The following SCD5 variants were observed in gnomAD, a reference collection of about 807,000 sequenced individuals.
SCD5 encodes acyl-CoA-desaturase 4.
A neutral mutation model predicts 30.4 loss-of-function variants in SCD5; 20 were observed. The ratio of observed to expected loss-of-function variants is 0.66; its 90% CI spans 0.46 to 0.96. The LOEUF (loss-of-function observed/expected upper bound fraction) is 0.96, where lower values mean the gene tolerates loss of function less well. Ranked by LOEUF, SCD5 falls within the 40% of genes least tolerant of loss-of-function variation. SCD5 has a pLI of 0.00. For synonymous variants in SCD5, 173 were observed against 176.4 expected (o/e 0.98, Z 0.16); for missense variants, 381 against 443.3 (o/e 0.86, Z 1.26).
intron 1 of SCD5, among the ~76,000 whole-genome samples, chr4:82,712,534 T>A (rs1720133670): frequency 1.3e-5 from 2 of 151,316 alleles, no homozygotes; most frequent in African/African-American, 4.9e-5. Context: ...GCCAGGCTAG[T>A]CTCGAACTTC....
chr4:82,635,571 A>C (rs1007366161), intron 4 of SCD5, among the ~76,000 whole-genome samples: 1 of 150,072 alleles, frequency 6.7e-6, no homozygotes, highest in African/African-American at 2.5e-5. Context: ...CAGTGAGCCA[A>C]GATCACGCCA....
At chr4:82,747,155 T>C (rs13102231) in intron 1 of SCD5, among the ~76,000 whole-genome samples, 88,333 of 151,278 alleles carry the variant, frequency 0.58, 28,240 homozygotes, top group Non-Finnish European at 0.72. Flanking sequence ...GTCACACTCC[T>C]GGCGAGGGGG....
chr4:82,764,730 CTT>C (rs34219216), intron 1 of SCD5, among the ~76,000 whole-genome samples: 5 of 143,152 alleles, frequency 3.5e-5, no homozygotes, highest in Admixed American at 7.0e-5. Context: ...TCTTTTCTTT[CTT>C]TTTTTTTTTT....
intron 3 of SCD5, among the ~76,000 whole-genome samples, chr4:82,674,191 T>C (rs1349752644): frequency 1.3e-5 from 2 of 152,100 alleles, no homozygotes; most frequent in African/African-American, 2.4e-5. Context: ...AAAGATACTG[T>C]CAAGAGAATA....
At chr4:82,646,063 C>T (rs1014584976) in intron 3 of SCD5, among the ~76,000 whole-genome samples, 1 of 152,096 alleles carries the variant, frequency 6.6e-6, no homozygotes, top group Non-Finnish European at 1.5e-5. Context: ...CCAAGGGGGC[C>T]AGCCTGAGGA....
At chr4:82,743,583 C>T (rs999603469) in intron 1 of SCD5, among the ~76,000 whole-genome samples, 35 of 152,062 alleles carry the variant, frequency 2.3e-4, no homozygotes, top group East Asian at 1.9e-4. Context: ...TGCAGTCGTG[C>T]AATCACGGGC....
At chr4:82,777,404 G>A (rs971008565) in intron 1 of SCD5, among the ~76,000 whole-genome samples, 1 of 152,242 alleles carries the variant, frequency 6.6e-6, no homozygotes, top group African/African-American at 2.4e-5. Flanking sequence ...AAGAAAGTGA[G>A]TCCTCAGGGC....
intron 2 of SCD5, among the ~76,000 whole-genome samples, chr4:82,701,503 G>C (rs1341783230): frequency 6.6e-6 from 1 of 150,656 alleles, no homozygotes; most frequent in Non-Finnish European, 1.5e-5. Flanking sequence ...CTGTCAGAGA[G>C]GATTAAAAAA....
chr4:82,765,351 C>T (rs2148847034), intron 1 of SCD5, among the ~76,000 whole-genome samples: 1 of 152,166 alleles, frequency 6.6e-6, no homozygotes, highest in East Asian at 1.9e-4. Flanking sequence ...AACAAGAAGT[C>T]TGCTGTCATC....
intron 3 of SCD5, among the ~76,000 whole-genome samples, chr4:82,649,214 TGTGTGTGA>T (rs1412042485): frequency 5.4e-5 from 8 of 149,022 alleles, no homozygotes; most frequent in Non-Finnish European, 1.2e-4. Flanking sequence ...TGTGTGTGTG[TGTGTGTGA>T]GATTCTTCAC....
chr4:82,790,347 G>A (rs1578069775), intron 1 of SCD5, among the ~76,000 whole-genome samples: 1 of 152,304 alleles, frequency 6.6e-6, no homozygotes, highest in Middle Eastern at 3.4e-3. Flanking sequence ...TTTCACCACT[G>A]AGCAGAGACC....
At chr4:82,720,978 C>A (rs112911649) in intron 1 of SCD5, among the ~76,000 whole-genome samples, 1 of 151,966 alleles carries the variant, frequency 6.6e-6, no homozygotes, top group Non-Finnish European at 1.5e-5. Flanking sequence ...ACGGCAAGAC[C>A]CCCATCTCTA....
chr4:82,767,118 C>A (rs557681198), intron 1 of SCD5, among the ~76,000 whole-genome samples: 1 of 151,972 alleles, frequency 6.6e-6, no homozygotes, highest in South Asian at 2.1e-4. Context: ...TCCCTCTGTT[C>A]CTTTTGAATG....
chr4:82,788,198 A>G (rs1224690645), intron 1 of SCD5, among the ~76,000 whole-genome samples: 1 of 152,208 alleles, frequency 6.6e-6, no homozygotes, highest in African/African-American at 2.4e-5. Flanking sequence ...TGGACTTCCC[A>G]GCCTCCAGAA....
intron 1 of SCD5, among the ~76,000 whole-genome samples, chr4:82,786,553 A>G (rs1721991705): frequency 6.6e-6 from 1 of 152,156 alleles, no homozygotes; most frequent in Admixed American, 6.5e-5. Context: ...TAATGCCAGC[A>G]CTTTGGGAAG....
At chr4:82,726,903 C>T (rs1394770087) in intron 1 of SCD5, among the ~76,000 whole-genome samples, 1 of 152,168 alleles carries the variant, frequency 6.6e-6, no homozygotes, top group East Asian at 1.9e-4. Flanking sequence ...GAAAAGGAGA[C>T]ACATCTCCTT....
intron 1 of SCD5, among the ~76,000 whole-genome samples, chr4:82,721,832 T>C (rs1433862558): frequency 6.6e-6 from 1 of 152,238 alleles, no homozygotes; most frequent in African/African-American, 2.4e-5. Context: ...ATACAAATGC[T>C]AAAATCATTA....
chr4:82,662,379 A>G (rs1728032306), intron 3 of SCD5, among the ~76,000 whole-genome samples: 1 of 152,114 alleles, frequency 6.6e-6, no homozygotes, highest in Non-Finnish European at 1.5e-5. Context: ...AATGCTACAA[A>G]TGGCCCAAAA....
At chr4:82,757,766 A>C (rs1196575049) in intron 1 of SCD5, among the ~76,000 whole-genome samples, 17 of 152,214 alleles carry the variant, frequency 1.1e-4, no homozygotes, top group Admixed American at 1.1e-3. Flanking sequence ...AGAATGAACA[A>C]AATAACATAT....
Sources: allele counts gnomAD v4.1 joint callset (sites outside exome capture counted in the v4.1 genomes callset), GRCh38; gene constraint gnomAD v4.1.1; transcripts MANE v1.5; gene names NCBI Gene and HGNC (gene_info 2026-07-23, HGNC 2026-07-21).